Variants in URB1 observed in about 807,000 individuals in gnomAD.
URB1 encodes the protein URB1 ribosome biogenesis factor.
In URB1, 197 loss-of-function variants were observed where a neutral mutation model predicts 242.3. The observed-to-expected ratio is 0.81, with a 90% CI of 0.72 to 0.91. The LOEUF is 0.91. Among genes scored for constraint, URB1 ranks in the 40% least tolerant of loss-of-function variants. The pLI, the probability that URB1 is intolerant of heterozygous loss-of-function variation, is 0.00. For missense variants in URB1, 2,721 were observed against 2,860.5 expected (o/e 0.95, Z 1.11); for synonymous variants, 1,153 against 1,201.8 (o/e 0.96, Z 0.84).
At position 32,392,764 on chromosome 21, in the gene URB1, C is replaced by T. The variant is rs779327927; in HGVS notation, c.142+5G>A. The stretch of plus-strand genomic sequence containing the variant: ...CCGACCCTGCGCCTGCCGCCCCGGA[C>T]TCACCTGGCCCGGGGCCCTGCGGGT... On this transcript the variant is annotated splice_donor_5th_base_variant and intron_variant, in intron 1 of 38. Transcript: ENST00000382751. 2 of 1,453,940 alleles carry T rather than the reference C, an allele frequency of 1.4e-6. No individual in the cohort carries two copies. The highest frequency in any genetic ancestry group is 9.1e-7 in the Non-Finnish European group (1 of 1,101,278). 90.1% of individuals were successfully genotyped at this position (1,453,940 alleles called of 1,614,324 possible). A position where few individuals can be genotyped will look rare whatever the true frequency, so the allele number is the denominator to read the frequency against.
At chr21:32,383,087 C>T (rs942588528) in intron 4 of URB1, among the ~76,000 whole-genome samples, 1 of 152,190 alleles carries the variant, frequency 6.6e-6, no homozygotes, top group Admixed American at 6.5e-5. Context: ...AGCTTCAGGG[C>T]CATGGGCACA....
intron 9 of URB1, among the ~76,000 whole-genome samples, chr21:32,367,631 A>G (rs902190310): frequency 6.6e-6 from 1 of 152,244 alleles, no homozygotes; most frequent in Non-Finnish European, 1.5e-5. Flanking sequence ...TGCTGACATT[A>G]TGATCAAAAG....
chr21:32,378,799 G>C (rs2033489078), intron 4 of URB1, among the ~76,000 whole-genome samples: 1 of 152,084 alleles, frequency 6.6e-6, no homozygotes, highest in African/African-American at 2.4e-5. Context: ...CAAAAGTATG[G>C]GTAAAAAATA....
chr21:32,321,763 A>G, intron 34 of URB1, 38 bp downstream of exon 34: 3 of 1,547,514 alleles, frequency 1.9e-6, no homozygotes, highest in African/African-American at 1.4e-5. Context: ...AGGGGCACAG[A>G]CCTCTCGCTC....
intron 29 of URB1, 67 bp downstream of exon 29, chr21:32,334,096 G>A (rs925913290): frequency 6.9e-7 from 1 of 1,449,690 alleles, no homozygotes. Context: ...ACGAAGCTGA[G>A]GGTGCAGATG....
chr21:32,319,516 G>T, intron 35 of URB1, 102 bp from the exon 36 acceptor site: 1 of 1,198,814 alleles, frequency 8.3e-7, no homozygotes, highest in Non-Finnish European at 1.1e-6. Context: ...CCCTAGATAA[G>T]CATAGTCTCC....
intron 27 of URB1, 71 bp from the exon 28 acceptor site, chr21:32,337,228 C>A: frequency 1.3e-6 from 2 of 1,482,010 alleles, no homozygotes; most frequent in Non-Finnish European, 1.8e-6. Context: ...CACCACCTGC[C>A]CTCATACCCT....
At chr21:32,362,245 G>A (rs1362072419) in intron 11 of URB1, among the ~76,000 whole-genome samples, 9 of 151,344 alleles carry the variant, frequency 5.9e-5, no homozygotes, top group East Asian at 2.0e-4. Flanking sequence ...TCACTCTGTC[G>A]CCCAGGCTGG....
intron 19 of URB1, among the ~76,000 whole-genome samples, chr21:32,351,988 C>T (rs1054167416): frequency 1.9e-4 from 29 of 152,162 alleles, no homozygotes; most frequent in African/African-American, 2.4e-4. Context: ...AAGGATTAAA[C>T]GGCCAAAAAT....
At chr21:32,320,348 G>A (rs1459000090) in intron 35 of URB1, among the ~76,000 whole-genome samples, 183 bp downstream of exon 35, 2 of 152,216 alleles carry the variant, frequency 1.3e-5, no homozygotes, top group African/African-American at 4.8e-5. Context: ...ATGGAGGAAA[G>A]GCACTTTGGC....
chr21:32,333,356 A>G lies in URB1; in HGVS notation c.4921T>C (p.Cys1641Arg), dbSNP rs1568813015. ...TCACTGAAGAGCTGAAGGAGAAAGC[A>G]GGGGTCATAGAGGCCATCAAGATCC... ...RVDLDGLYDP[C>R]FLLQLFSELT... The change falls in exon 30 of 39, where the codon TGC (cysteine) becomes CGC (arginine). Residue 1641 changes from cysteine (C) to arginine (R), a missense_variant. Physicochemically the swap from Cys to Arg is radical, Grantham distance 180. Transcript: ENST00000382751. The G allele has an allele frequency of 1.3e-5, 20 of 1,551,814 alleles. No homozygotes were observed. Among genetic ancestry groups the G allele is most frequent in the Non-Finnish European group, 1.7e-5 (19 of 1,147,012 alleles).
chr21:32,387,413 G>A (rs767783221), intron 1 of URB1, among the ~76,000 whole-genome samples: 5 of 151,990 alleles, frequency 3.3e-5, no homozygotes, highest in Admixed American at 6.6e-5. Context: ...GTGAGACTCC[G>A]TCTCAAAAAC....
chr21:32,341,347 G>A, intron 25 of URB1, 119 bp downstream of exon 25: 9 of 969,618 alleles, frequency 9.3e-6, no homozygotes, highest in Non-Finnish European at 1.4e-5. Context: ...CTCTAAAAAC[G>A]AGGTGACATC....
Position 32,368,391 on chromosome 21 carries a change from A to G in URB1, c.1197+12T>C. On this transcript the variant is annotated intron_variant, in intron 9 of 38. Transcript: ENST00000382751. Reference sequence around the variant, plus strand: ...CTTAGCTAACAGACTTTTAAATATCATGTTTTTTTACCTTGTTTAGTAGTT... The same window carrying G: ...CTTAGCTAACAGACTTTTAAATATCGTGTTTTTTTACCTTGTTTAGTAGTT... 6.6e-7 allele frequency: 1 copy of G among 1,521,990 alleles called. No individual in the cohort carries two copies. Among genetic ancestry groups the G allele is most frequent in the Non-Finnish European group, 8.8e-7 (1 of 1,133,512 alleles). The allele number at this position is 1,521,990 out of a possible 1,614,324, so 94.3% of individuals were successfully genotyped here. A position where few individuals can be genotyped will look rare whatever the true frequency, so the allele number is the denominator to read the frequency against.
chr21:32,339,793 G>A (rs1359822400), intron 25 of URB1, among the ~76,000 whole-genome samples: 1 of 152,172 alleles, frequency 6.6e-6, no homozygotes, highest in Non-Finnish European at 1.5e-5. Flanking sequence ...GCCCAGCCCA[G>A]TGCATTTGTT....
At chr21:32,327,880 A>G (rs2032848005) in intron 30 of URB1, among the ~76,000 whole-genome samples, 1 of 152,234 alleles carries the variant, frequency 6.6e-6, no homozygotes, top group African/African-American at 2.4e-5. Context: ...GCACTCATAC[A>G]CATACAAAAG....
rs1470403131 is a variant in URB1 at position 32,317,874 on chromosome 21, G to A, written c.5836C>T (p.Leu1946Phe). The change falls in exon 37 of 39, where the codon CTT (leucine) becomes TTT (phenylalanine). Residue 1946 changes from leucine to phenylalanine, a missense_variant. Physicochemically the swap from Leu to Phe is conservative, Grantham distance 22. Transcript: ENST00000382751. The stretch of plus-strand genomic sequence containing the variant: ...GCCCGGTACCTCAGCACGGAGTCAA[G>A]TGTCCCGAAGAAGTTGGTCAGCTGG... ...PVQLTNFFGTLDSVLRYRATV... is the reference protein window; with the variant it reads ...PVQLTNFFGTFDSVLRYRATV... 7 of 1,551,668 alleles carry A rather than the reference G, an allele frequency of 4.5e-6. No homozygotes were observed. Among genetic ancestry groups the A allele is most frequent in the Non-Finnish European group, 6.1e-6 (7 of 1,147,030 alleles).
intron 1 of URB1, among the ~76,000 whole-genome samples, chr21:32,389,033 C>G (rs956614074): frequency 6.7e-6 from 1 of 149,432 alleles, no homozygotes; most frequent in African/African-American, 2.5e-5. Flanking sequence ...TACATAGACA[C>G]GTATAGCACC....
Position 32,337,485 on chromosome 21 carries a change from C to T in URB1, c.4540G>A (p.Val1514Met), listed in dbSNP as rs2032974725. 1 of 1,551,642 alleles carries T rather than the reference C, an allele frequency of 6.4e-7. No individual in the cohort carries two copies. The highest frequency in any genetic ancestry group is 8.7e-7 in the Non-Finnish European group (1 of 1,146,988). ...TCACAGACAGAGGGGCACATCTCCA[C>T]CACCGTCAGCATCAGGTCCACCAGC... ...EALVDLMLTV[V>M]EMCPSVCESS... Residue 1514 changes from valine to methionine, a missense_variant, in exon 27 of 39, where the codon GTG (valine) becomes ATG (methionine). Physicochemically the swap from Val to Met is conservative, Grantham distance 21. Coordinates refer to ENST00000382751, the MANE Select transcript of URB1 (RefSeq NM_014825.3).
Sources: gnomAD v4.1 joint callset for allele counts (sites outside exome capture counted in the v4.1 genomes callset) on GRCh38, gnomAD v4.1.1 for gene constraint, MANE v1.5 for transcripts, NCBI Gene and HGNC (gene_info 2026-07-23, HGNC 2026-07-21) for gene names.